The following CHRNB4 variants were observed in gnomAD, a reference collection of about 807,000 sequenced individuals.
CHRNB4 encodes the protein neuronal acetylcholine receptor subunit beta-4.
A neutral mutation model predicts 40.4 loss-of-function variants in CHRNB4; 23 were observed. The ratio of observed to expected loss-of-function variants is 0.57; its 90% CI spans 0.41 to 0.81. The LOEUF is 0.81. CHRNB4 is among the 30% of genes least tolerant of loss of function. CHRNB4 has a pLI of 0.00. For synonymous variants in CHRNB4, 285 were observed against 274.4 expected, an observed-to-expected ratio of 1.04 and a Z score of -0.38; for missense variants, 568 against 670.6, an observed-to-expected ratio of 0.85 and a Z score of 1.69.
rs867094737 is a variant in CHRNB4, at chr15:78,632,217, T to C, written c.205-885A>G. The stretch of plus-strand genomic sequence containing the variant: ...TCTTTCTTTCTTTCTTTCTTTCTCT[T>C]TCTCTCTCTCTCTCTCTCTCTCTCT... On this transcript the variant is annotated intron_variant, in intron 2 of 5. Transcript: ENST00000261751. 1.1e-3 allele frequency among the ~76,000 whole-genome samples: 91 copies of C among 86,012 alleles called. 2 individuals are homozygous for C. The highest frequency in any genetic ancestry group is 7.0e-3 in the African/African-American group (89 of 12,640). The allele number at this position is 86,012 out of a possible 152,430, so 56.4% of individuals were successfully genotyped here. A position where few individuals can be genotyped will look rare whatever the true frequency, so the allele number is the denominator to read the frequency against.
intron 4 of CHRNB4, chr15:78,656,114 G>C (rs996957697): frequency 5.9e-5 from 9 of 152,224 alleles, no homozygotes; most frequent in African/African-American, 1.9e-4. Flanking sequence ...AAGGCAGCCG[G>C]ATCACTTGAG....
At chr15:78,632,521 G>A (rs556454056) in intron 2 of CHRNB4, among the ~76,000 whole-genome samples, 2 of 152,148 alleles carry the variant, frequency 1.3e-5, no homozygotes, top group South Asian at 4.2e-4. Flanking sequence ...ATGATGCCCA[G>A]GCTGGTCTCA....
At chr15:78,638,161 G>T (rs2053993575) in intron 1 of CHRNB4, among the ~76,000 whole-genome samples, 1 of 152,198 alleles carries the variant, frequency 6.6e-6, no homozygotes, top group Non-Finnish European at 1.5e-5. Context: ...CACTAGGCTG[G>T]TCTGACAGGG....
At chr15:78,658,014 T>C (rs371230987) in intron 2 of CHRNB4, among the ~76,000 whole-genome samples, 11 of 146,758 alleles carry the variant, frequency 7.5e-5, no homozygotes, top group African/African-American at 2.3e-4. Flanking sequence ...TCACAATGAC[T>C]GTCTCTTGTT....
chr15:78,646,701 C>T (rs80178211), intron 7 of CHRNB4, among the ~76,000 whole-genome samples: 3,464 of 152,286 alleles, frequency 0.023, 63 homozygotes, highest in East Asian at 0.059. Context: ...GATCCCATCA[C>T]GAGAGCTCCA....
intron 5 of CHRNB4, 69 bp downstream of exon 5, chr15:78,628,898 T>A: frequency 6.6e-7 from 1 of 1,523,766 alleles, no homozygotes; most frequent in Non-Finnish European, 8.8e-7. Context: ...CTGCAGGAAG[T>A]GGGAAGCTGG....
chr15:78,657,040 T>G (rs2054220282), intron 3 of CHRNB4, among the ~76,000 whole-genome samples: 1 of 152,078 alleles, frequency 6.6e-6, no homozygotes. Flanking sequence ...TTCTTCTTTT[T>G]TTTTTTTGGA....
intron 1 of CHRNB4, among the ~76,000 whole-genome samples, chr15:78,637,312 T>C (rs1822077103): frequency 6.6e-6 from 1 of 152,140 alleles, no homozygotes; most frequent in South Asian, 2.1e-4. Context: ...TTGTGTACTC[T>C]AGTGTCTTCA....
rs143349287 is a variant in CHRNB4 at position 78,646,486 on chromosome 15, G to A, written c.46+2893C>T. ...TTAGTGTGGGCTGCTCTAACAAAAT[G>A]CCATAGAATGGGTGGCTTAAACAAC... On this transcript the variant is annotated intron_variant and NMD_transcript_variant, in intron 7 of 11. Transcript: ENST00000559849. Among the ~76,000 whole-genome samples, 430 of 152,328 alleles carry A rather than the reference G, an allele frequency of 2.8e-3. 1 individual carries two copies. Among genetic ancestry groups the A allele is most frequent in the Middle Eastern group, 0.01 (3 of 294 alleles).
chr15:78,660,875 T>C (rs1331192453), upstream of CHRNB4: 1 of 362,224 alleles, frequency 2.8e-6, no homozygotes, highest in African/African-American at 2.1e-5. Flanking sequence ...CTCAGGTGAG[T>C]CTTGGGATCC....
rs531032077 is a variant in CHRNB4 at position 78,624,714 on chromosome 15, G to C, written c.*419C>G. 2.5e-6 allele frequency: 1 copy of C among 395,226 alleles called. No individual in the cohort carries two copies. The highest frequency in any genetic ancestry group is 4.5e-6 in the Non-Finnish European group (1 of 224,158). 24.5% of individuals were successfully genotyped at this position (395,226 alleles called of 1,614,324 possible). A position where few individuals can be genotyped will look rare whatever the true frequency, so the allele number is the denominator to read the frequency against. ...TTTAAAAGAAAAAAAAAAAGATGATGATATGGCAAATGCCAAGCCTCTGAG... is the reference window on the plus strand; with the variant it reads ...TTTAAAAGAAAAAAAAAAAGATGATCATATGGCAAATGCCAAGCCTCTGAG... On this transcript the variant is annotated 3_prime_UTR_variant, in exon 6 of 6. Coordinates refer to ENST00000261751, the MANE Select transcript of CHRNB4 (RefSeq NM_000750.5).
upstream of CHRNB4, among the ~76,000 whole-genome samples, chr15:78,642,134 C>G (rs1300989471): frequency 5.3e-5 from 8 of 152,130 alleles, no homozygotes; most frequent in African/African-American, 1.9e-4. Context: ...CTCCAGGACT[C>G]TCAGTCTTGC....
intron 5 of CHRNB4, among the ~76,000 whole-genome samples, chr15:78,653,465 C>A (rs2054189147): frequency 6.6e-6 from 1 of 152,184 alleles, no homozygotes; most frequent in South Asian, 2.1e-4. Context: ...CCATAGCTTG[C>A]CTCACCTGGC....
At chr15:78,660,641 T>C (rs755633447), upstream of CHRNB4, 13 of 163,658 alleles carry the variant, frequency 7.9e-5, no homozygotes, top group South Asian at 5.5e-4. Flanking sequence ...AACCCAAGTG[T>C]GTGTCACACT....
At chr15:78,640,337 T>C (rs1413905829) in intron 1 of CHRNB4, among the ~76,000 whole-genome samples, 1 of 152,168 alleles carries the variant, frequency 6.6e-6, no homozygotes, top group Non-Finnish European at 1.5e-5. Flanking sequence ...CACATTTGCA[T>C]TCTACCTGGA....
At chr15:78,640,779 C>T (rs1026971085) in intron 1 of CHRNB4, among the ~76,000 whole-genome samples, 1 of 152,228 alleles carries the variant, frequency 6.6e-6, no homozygotes, top group East Asian at 1.9e-4. Context: ...CCTGCAAAGC[C>T]GGTGTCATCC....
chr15:78,625,009 T>G lies in CHRNB4; in HGVS notation c.*124A>C. On this transcript the variant is annotated 3_prime_UTR_variant, in exon 6 of 6. Transcript: ENST00000261751. ...TGCCTGTTCCACGGCTGTGGCTGGTTTGATGGGGTTGATGGCCAATGCTCA... is the reference window on the plus strand; with the variant it reads ...TGCCTGTTCCACGGCTGTGGCTGGTGTGATGGGGTTGATGGCCAATGCTCA... 2 of 1,595,836 alleles carry G rather than the reference T, an allele frequency of 1.3e-6. No homozygotes were observed. Among genetic ancestry groups the G allele is most frequent in the Non-Finnish European group, 8.5e-7 (1 of 1,178,410 alleles).
Position 78,641,120 on chromosome 15 carries a change from G to A in CHRNB4, c.14C>T (p.Pro5Leu). ...GACCAGGAAGAAAAGGACCAGGGAA[G>A]GCGCGCGCCTCATGGCCGGCGGGGC... Reference protein sequence around the residue: MRRAPSLVLFFLVAL... With the variant: MRRALSLVLFFLVAL... The change falls in exon 1 of 6, where the codon CCT becomes CTT. Residue 5 changes from proline to leucine, a missense_variant. Coordinates refer to ENST00000261751, the MANE Select transcript of CHRNB4 (RefSeq NM_000750.5). 1.3e-6 allele frequency: 2 copies of A among 1,575,622 alleles called. No homozygotes were observed. The highest frequency in any genetic ancestry group is 1.7e-4 in the Middle Eastern group (1 of 5,982).
chr15:78,628,891 C>T (rs1381778160), intron 5 of CHRNB4, 76 bp downstream of exon 5: 6 of 1,513,374 alleles, frequency 4.0e-6, no homozygotes, highest in Non-Finnish European at 5.3e-6. Flanking sequence ...GAATTAACTG[C>T]AGGAAGTGGG....
Sources: gnomAD v4.1 joint callset for allele counts (sites outside exome capture counted in the v4.1 genomes callset) on GRCh38, gnomAD v4.1.1 for gene constraint, MANE v1.5 for transcripts, NCBI Gene and HGNC (gene_info 2026-07-23, HGNC 2026-07-21) for gene names.